MYO10: variants seen among roughly 807,000 people sequenced by gnomAD.
MYO10 encodes the protein myosin X.
Under a neutral mutation model 257.3 loss-of-function variants are expected in MYO10, and 133 were observed. That is an observed-to-expected ratio of 0.52 (90% confidence interval 0.45 to 0.60). The LOEUF is 0.60. Ranked by LOEUF, MYO10 falls within the 20% of genes least tolerant of loss-of-function variation. MYO10 has a pLI of 0.00. For synonymous variants in MYO10, 1,104 were observed against 1,028.6 expected (o/e 1.07, Z -1.40); for missense variants, 2,399 against 2,635.7 (o/e 0.91, Z 1.97).
intron 21 of MYO10, among the ~76,000 whole-genome samples, chr5:16,709,123 G>T (rs1377180701): frequency 6.6e-6 from 1 of 152,180 alleles, no homozygotes; most frequent in East Asian, 1.9e-4. Flanking sequence ...CTACATCAGG[G>T]CTAAGAAGAG....
chr5:16,727,081 T>G (rs529866727), intron 19 of MYO10, among the ~76,000 whole-genome samples: 5 of 152,288 alleles, frequency 3.3e-5, no homozygotes, highest in East Asian at 1.9e-4. Flanking sequence ...AAACTTAGTA[T>G]GAAAAAATAA....
At chr5:16,699,713 G>C in intron 25 of MYO10, 140 bp from the exon 26 acceptor site, 3 of 1,095,796 alleles carry the variant, frequency 2.7e-6, no homozygotes, top group Non-Finnish European at 1.3e-6. Flanking sequence ...CTCGAACCCA[G>C]GAGGCAGTGA....
At chr5:16,667,931 C>T (rs1368391918) in intron 40 of MYO10, among the ~76,000 whole-genome samples, 3 of 152,122 alleles carry the variant, frequency 2.0e-5, no homozygotes, top group South Asian at 2.1e-4. Flanking sequence ...GCTGTGACAC[C>T]GCTATAATTG....
chr5:16,708,845 G>A (rs921995176), intron 21 of MYO10, among the ~76,000 whole-genome samples: 3 of 152,194 alleles, frequency 2.0e-5, no homozygotes, highest in Admixed American at 6.5e-5. Context: ...TTACAAATGT[G>A]AGCCACTGTG....
chr5:16,764,236 G>A lies in MYO10; in HGVS notation c.1326+14C>T. 2 of 1,613,660 alleles carry A rather than the reference G, an allele frequency of 1.2e-6. No individual in the cohort carries two copies. Among genetic ancestry groups the A allele is most frequent in the South Asian group, 2.2e-5 (2 of 90,994 alleles). The stretch of plus-strand genomic sequence containing the variant: ...CAGAAGAGAATTCACGTGCTGCACT[G>A]TTAGGAAACCTACCTCAAAGTTTTC... On this transcript the variant is annotated intron_variant, in intron 12 of 40. Transcript: ENST00000513610.
intron 1 of MYO10, among the ~76,000 whole-genome samples, chr5:16,882,592 T>C (rs1438191252): frequency 6.6e-6 from 1 of 152,054 alleles, no homozygotes; most frequent in Admixed American, 6.6e-5. Flanking sequence ...AAATCACTGA[T>C]ACATTCACCA....
chr5:16,931,574 GCAA>G (rs1168167311), intron 1 of MYO10, among the ~76,000 whole-genome samples: 1 of 152,050 alleles, frequency 6.6e-6, no homozygotes, highest in Non-Finnish European at 1.5e-5. Context: ...TGCTCCTGCT[GCAA>G]CAACTGTCCC....
intron 1 of MYO10, among the ~76,000 whole-genome samples, chr5:16,885,403 G>A (rs1468705596): frequency 1.3e-5 from 2 of 152,188 alleles, no homozygotes; most frequent in Non-Finnish European, 2.9e-5. Flanking sequence ...CGGGCACAGT[G>A]GCTCATGCCT....
chr5:16,680,259 G>GT (rs1263237919), intron 32 of MYO10, among the ~76,000 whole-genome samples, 155 bp from the exon 33 acceptor site: 1 of 152,056 alleles, frequency 6.6e-6, no homozygotes, highest in Non-Finnish European at 1.5e-5. Context: ...CCTGCACTAG[G>GT]TATCTAGTGA....
chr5:16,674,984 G>A lies in MYO10; in HGVS notation c.4833C>T (p.Ile1611=). The A allele has an allele frequency of 4.3e-6, 7 of 1,614,028 alleles. No individual in the cohort carries two copies. Among genetic ancestry groups the A allele is most frequent in the Non-Finnish European group, 5.9e-6 (7 of 1,179,900 alleles). ...GGTGGGGCACTTTGTTGGTCTGTTT[G>A]ATAAGCTGGCAGTACAGCTCGTCCC... is the stretch of plus-strand genomic sequence containing the variant. The part of the protein sequence containing the change: ...PLRDELYCQL[I]KQTNKVPHPG... Residue 1611 remains isoleucine, a synonymous_variant, in exon 35 of 41, where the codon ATC becomes ATT. Coordinates refer to ENST00000513610, the MANE Select transcript of MYO10 (RefSeq NM_012334.3).
intron 19 of MYO10, among the ~76,000 whole-genome samples, chr5:16,743,526 C>T (rs576715180): frequency 6.6e-6 from 1 of 152,052 alleles, no homozygotes; most frequent in South Asian, 2.1e-4. Flanking sequence ...ACCTGTAGTC[C>T]CAGCTACTCG....
At chr5:16,728,108 GC>G (rs972609608) in intron 19 of MYO10, among the ~76,000 whole-genome samples, 1 of 152,144 alleles carries the variant, frequency 6.6e-6, no homozygotes, top group African/African-American at 2.4e-5. Flanking sequence ...AGGAACATAG[GC>G]CGCCCTCCGC....
At chr5:16,781,513 C>T (rs545352990) in intron 6 of MYO10, among the ~76,000 whole-genome samples, 192 bp downstream of exon 6, 8 of 152,298 alleles carry the variant, frequency 5.3e-5, no homozygotes, top group African/African-American at 1.9e-4. Flanking sequence ...TAACTATAGG[C>T]ACATGTACCA....
chr5:16,680,723 A>G (rs1736954493), intron 32 of MYO10, among the ~76,000 whole-genome samples: 1 of 152,248 alleles, frequency 6.6e-6, no homozygotes, highest in Non-Finnish European at 1.5e-5. Flanking sequence ...CTATGCTACT[A>G]GGCTAAGTTC....
At position 16,664,554 on chromosome 5, in the gene MYO10, A is replaced by AG. The variant is rs1736083857; in HGVS notation, c.*2137dup. 1.3e-5 allele frequency: 2 copies of AG among 152,204 alleles called. No individual in the cohort carries two copies. Among genetic ancestry groups the AG allele is most frequent in the East Asian group, 1.9e-4 (1 of 5,190 alleles). The allele number at this position is 152,204 out of a possible 1,614,324, so 9.4% of individuals were successfully genotyped here. ...AGAAGCCATCCGTGAGCATGAGCAG[A>AG]GGGTGGGAGTCAGTGGTCTGCAAGA... is the stretch of plus-strand genomic sequence containing the variant. On this transcript the variant is annotated 3_prime_UTR_variant, in exon 41 of 41. Coordinates refer to ENST00000513610, the MANE Select transcript of MYO10 (RefSeq NM_012334.3).
intron 19 of MYO10, among the ~76,000 whole-genome samples, chr5:16,712,708 C>T (rs1738675671): frequency 6.6e-6 from 1 of 152,224 alleles, no homozygotes; most frequent in African/African-American, 2.4e-5. Flanking sequence ...TAGCTGCCAT[C>T]AGCCCTAGTG....
In MYO10 at chr5:16,817,436, G is replaced by A. The variant is rs546265794; in HGVS notation, c.279+573C>T. ...TCTTAAATATCACTTTATAATACAG[G>A]TATAGTCACATTTCATAGAAGTTGA... On this transcript the variant is annotated intron_variant, in intron 3 of 40. Coordinates refer to ENST00000513610, the MANE Select transcript of MYO10 (RefSeq NM_012334.3). Among the ~76,000 whole-genome samples the A allele has an allele frequency of 3.9e-5, 6 of 152,206 alleles. No homozygotes were observed. The South Asian group carries it at 6.2e-4, about 16-fold the overall frequency.
chr5:16,731,337 CCA>C (rs1486751755), intron 19 of MYO10, among the ~76,000 whole-genome samples: 8 of 150,548 alleles, frequency 5.3e-5, no homozygotes, highest in African/African-American at 2.0e-4. Flanking sequence ...GCCACCACGC[CCA>C]GTTTTGTTTT....
intron 19 of MYO10, among the ~76,000 whole-genome samples, chr5:16,747,918 CAAAAAAAAAAAAAAAAAA>C (rs777257950): frequency 6.6e-5 from 2 of 30,480 alleles, no homozygotes; most frequent in Non-Finnish European, 4.8e-4. Context: ...AACTCCGTCT[CAAAAAAAAAAAAAAAAAA>C]AAAAAAAAAA....
Sources: gnomAD v4.1 joint callset for allele counts (sites outside exome capture counted in the v4.1 genomes callset) on GRCh38, gnomAD v4.1.1 for gene constraint, MANE v1.5 for transcripts, NCBI Gene and HGNC (gene_info 2026-07-23, HGNC 2026-07-21) for gene names.